Variants in TUB observed in about 807,000 individuals in gnomAD.
TUB encodes the protein TUB bipartite transcription factor, also known as tubby protein homolog.
TUB carries 33 observed loss-of-function variants against 59.7 expected under a neutral mutation model. The ratio of observed to expected loss-of-function variants is 0.55; its 90% CI spans 0.42 to 0.74. TUB has a LOEUF of 0.74. Among genes scored for constraint, TUB ranks in the 30% least tolerant of loss-of-function variants. TUB has a pLI of 0.00. For synonymous variants in TUB, 293 were observed against 256.4 expected (o/e 1.14, Z -1.36); for missense variants, 659 against 672.0 (o/e 0.98, Z 0.21).
At chr11:8,026,848 G>T (rs1034371615) in intron 1 of TUB, among the ~76,000 whole-genome samples, 2 of 152,238 alleles carry the variant, frequency 1.3e-5, no homozygotes, top group Admixed American at 1.3e-4. Context: ...TCAATTTGGG[G>T]AGAGTTACAT....
At chr11:8,076,793 G>T (rs759026864), upstream of TUB, 5 of 152,154 alleles carry the variant, frequency 3.3e-5, no homozygotes, top group African/African-American at 7.2e-5. Flanking sequence ...TATGTTTCCT[G>T]TAGATTATGC....
chr11:8,022,129 C>T (rs1448201976), intron 1 of TUB, among the ~76,000 whole-genome samples: 1 of 152,154 alleles, frequency 6.6e-6, no homozygotes, highest in Admixed American at 6.5e-5. Context: ...TTGTTTAAAA[C>T]TTCGCAGTTG....
intron 1 of TUB, among the ~76,000 whole-genome samples, chr11:8,083,160 A>G (rs1049504512): frequency 2.6e-5 from 4 of 152,102 alleles, no homozygotes; most frequent in Non-Finnish European, 5.9e-5. Flanking sequence ...AGCGTCATCA[A>G]CCTTTTCTAG....
At position 8,090,156 on chromosome 11, in the gene TUB, C is replaced by A. The variant is rs1415875110; in HGVS notation, c.178C>A (p.Arg60=). ...TGCAGATGGGCGGCCCCGGAGCCGG[C>A]GGGCCCGGCAGTCAGAGGAACAAGC... The part of the protein sequence containing the change: ...ANADGRPRSR[R]ARQSEEQAPL... Residue 60 remains arginine (R), a synonymous_variant, in exon 3 of 12, where the codon CGG becomes AGG. Coordinates refer to ENST00000299506, the MANE Select transcript of TUB (RefSeq NM_177972.3). 6.2e-7 allele frequency: 1 copy of A among 1,613,414 alleles called. No homozygotes were observed. Among genetic ancestry groups the A allele is most frequent in the African/African-American group, 1.3e-5 (1 of 74,940 alleles).
chr11:8,089,494 C>T (rs1943730426), intron 1 of TUB, 116 bp from the exon 2 acceptor site: 1 of 1,278,096 alleles, frequency 7.8e-7, no homozygotes, highest in East Asian at 2.3e-5. Flanking sequence ...CTCACTGAGT[C>T]CCAGCAGCCG....
chr11:8,071,391 C>T (rs1186152829), intron 2 of TUB, among the ~76,000 whole-genome samples: 1 of 152,074 alleles, frequency 6.6e-6, no homozygotes, highest in East Asian at 1.9e-4. Context: ...TGCCTTGGAC[C>T]TTATCTAATC....
chr11:8,027,773 C>T (rs946179891), intron 1 of TUB, among the ~76,000 whole-genome samples: 71 of 152,352 alleles, frequency 4.7e-4, no homozygotes, highest in African/African-American at 1.7e-3. Context: ...TCTCAGCCTC[C>T]CCAGGTGCTG....
At chr11:8,033,690 G>C (rs555059790), upstream of TUB, among the ~76,000 whole-genome samples, 1 of 152,392 alleles carries the variant, frequency 6.6e-6, no homozygotes, top group East Asian at 1.9e-4. Flanking sequence ...AGAGATGGCA[G>C]AGGTGTTTGG....
intron 1 of TUB, among the ~76,000 whole-genome samples, chr11:8,087,489 A>G (rs1416837801): frequency 2.0e-5 from 3 of 152,256 alleles, no homozygotes; most frequent in Non-Finnish European, 4.4e-5. Context: ...CCACTGGCTT[A>G]TGACAGTGGG....
chr11:8,083,690 C>A (rs985271756), intron 1 of TUB, among the ~76,000 whole-genome samples: 1 of 152,014 alleles, frequency 6.6e-6, no homozygotes, highest in Non-Finnish European at 1.5e-5. Flanking sequence ...AAGCCTGGCC[C>A]CGAGGAGCGT....
chr11:8,081,552 C>T lies in TUB; in HGVS notation c.38+4C>T, dbSNP rs375671199. The T allele has an allele frequency of 1.9e-6, 3 of 1,544,268 alleles. No homozygotes were observed. The highest frequency in any genetic ancestry group is 2.6e-5 in the East Asian group (1 of 37,860). On this transcript the variant is annotated splice_donor_region_variant and intron_variant, in intron 1 of 11. Coordinates refer to ENST00000299506, the MANE Select transcript of TUB (RefSeq NM_177972.3). ...ATTCCGACTGGATTCCCTACAGGTA[C>T]GCGGGCGCCGGGCCGGGGCGCCCAC...
Position 8,102,610 on chromosome 11 carries a change from C to G in TUB, c.*991C>G, listed in dbSNP as rs1203163757. On this transcript the variant is annotated 3_prime_UTR_variant, in exon 12 of 12. Transcript: ENST00000299506. ...TCCTTGAAGAATCTCTCCTCTCTCT[C>G]TCTCTCTGGAAAGACCCAACTTTCT... 1 of 152,244 alleles carries G rather than the reference C, an allele frequency of 6.6e-6. No individual in the cohort carries two copies. The highest frequency in any genetic ancestry group is 2.4e-5 in the African/African-American group (1 of 41,444). The allele number at this position is 152,244 out of a possible 1,614,324, so 9.4% of individuals were successfully genotyped here.
In TUB at chr11:8,097,703, C is replaced by T. The variant is rs1172372436; in HGVS notation, c.886-11C>T. On this transcript the variant is annotated splice_polypyrimidine_tract_variant and intron_variant, in intron 7 of 11. Coordinates refer to ENST00000299506, the MANE Select transcript of TUB (RefSeq NM_177972.3). ...CTGAGTCTGGAATATGACCTCATTC[C>T]ACTCCCCAAGGTGTTCCTCCTGGCG... 1 of 1,607,382 alleles carries T rather than the reference C, an allele frequency of 6.2e-7. No individual in the cohort carries two copies.
intron 4 of TUB, among the ~76,000 whole-genome samples, chr11:8,094,769 C>T (rs1055910328): frequency 6.6e-6 from 1 of 152,230 alleles, no homozygotes; most frequent in East Asian, 1.9e-4. Context: ...GGCTACACAC[C>T]CCGTTTCCTC....
rs577008276 is a variant in TUB at position 8,103,729 on chromosome 11, T to C, written c.*2110T>C. Reference sequence around the variant, plus strand: ...TGCCTTTAAGGAGAAGAGATCTTCATGGTGACATTTGAGATGATGGAAACT... The same window carrying C: ...TGCCTTTAAGGAGAAGAGATCTTCACGGTGACATTTGAGATGATGGAAACT... On this transcript the variant is annotated 3_prime_UTR_variant, in exon 12 of 12. Transcript: ENST00000299506. The C allele has an allele frequency of 1.3e-5, 2 of 152,774 alleles. No homozygotes were observed. The highest frequency in any genetic ancestry group is 1.9e-4 in the East Asian group (1 of 5,166). The allele number at this position is 152,774 out of a possible 1,614,324, so 9.5% of individuals were successfully genotyped here.
chr11:8,057,264 G>A (rs184413514), intron 2 of TUB, among the ~76,000 whole-genome samples: 7 of 152,250 alleles, frequency 4.6e-5, no homozygotes, highest in Non-Finnish European at 8.8e-5. Flanking sequence ...CAAACTGGCC[G>A]GGCACAGTTA....
At position 8,062,545 on chromosome 11, in the gene TUB, A is replaced by C. The variant is rs925785769; in HGVS notation, c.203+22853A>C. ...TGTGTGTGTGTGTGTGTGTGTACAC[A>C]TGAGGGGTTGCAGTTTCTACCATGG... is the stretch of plus-strand genomic sequence containing the variant. On this transcript the variant is annotated intron_variant, in intron 2 of 12. Transcript: ENST00000305253. Among the ~76,000 whole-genome samples the C allele has an allele frequency of 2.0e-5, 3 of 151,004 alleles. No homozygotes were observed. The South Asian group carries it at 6.3e-4, about 32-fold the overall frequency.
intron 2 of TUB, among the ~76,000 whole-genome samples, chr11:8,056,316 G>C (rs777070727): frequency 6.6e-6 from 1 of 152,152 alleles, no homozygotes; most frequent in East Asian, 1.9e-4. Flanking sequence ...TGGAATGTGC[G>C]GCCATATGGG....
rs763446742 is a variant in TUB, at chr11:8,100,807, G to A, written c.1216-19G>A. 65 of 1,612,810 alleles carry A rather than the reference G, an allele frequency of 4.0e-5. No homozygotes were observed. Among genetic ancestry groups the A allele is most frequent in the Non-Finnish European group, 5.4e-5 (64 of 1,179,360 alleles). On this transcript the variant is annotated intron_variant, in intron 10 of 11. Coordinates refer to ENST00000299506, the MANE Select transcript of TUB (RefSeq NM_177972.3). ...GTGCCAAAGGCCTGGGCCTGGCTCA[G>A]GTGAGGCTGCCCTCCCAGGAGCATG...
Sources: gnomAD v4.1 joint callset for allele counts (sites outside exome capture counted in the v4.1 genomes callset) on GRCh38, gnomAD v4.1.1 for gene constraint, MANE v1.5 for transcripts, NCBI Gene and HGNC (gene_info 2026-07-23, HGNC 2026-07-21) for gene names.